Variants in RAB28 observed in about 807,000 individuals in gnomAD.
RAB28 encodes the protein ras-related protein Rab-28.
In RAB28, 24 loss-of-function variants were observed where a neutral mutation model predicts 31.7. That is an observed-to-expected ratio of 0.76 (90% confidence interval 0.55 to 1.06). The LOEUF (loss-of-function observed/expected upper bound fraction) is 1.06, where lower values mean the gene tolerates loss of function less well. Among genes scored for constraint, RAB28 ranks in the 50% least tolerant of loss-of-function variants. RAB28 has a pLI of 0.00. For missense variants in RAB28, 254 were observed against 258.5 expected, an observed-to-expected ratio of 0.98 and a Z score of 0.12; for synonymous variants, 100 against 90.4, an observed-to-expected ratio of 1.11 and a Z score of -0.60.
intron 4 of RAB28, among the ~76,000 whole-genome samples, chr4:13,443,303 A>T (rs1714519130): frequency 6.6e-6 from 1 of 151,934 alleles, no homozygotes; most frequent in Non-Finnish European, 1.5e-5. Flanking sequence ...CCTCCTGAGT[A>T]GCTAGGACAA....
intron 4 of RAB28, among the ~76,000 whole-genome samples, chr4:13,449,259 C>A (rs1048742391): frequency 2.6e-5 from 4 of 151,868 alleles, no homozygotes; most frequent in African/African-American, 9.7e-5. Flanking sequence ...AATAGTTTCA[C>A]ATGTCTATTT....
intron 4 of RAB28, among the ~76,000 whole-genome samples, chr4:13,458,241 T>C (rs1041211276): frequency 6.6e-6 from 1 of 152,112 alleles, no homozygotes; most frequent in Non-Finnish European, 1.5e-5. Context: ...TATGATAGTA[T>C]GACAATGCCT....
chr4:13,437,780 A>C (rs916116592), intron 4 of RAB28, among the ~76,000 whole-genome samples: 1 of 152,142 alleles, frequency 6.6e-6, no homozygotes, highest in African/African-American at 2.4e-5. Flanking sequence ...TCTACAGAAA[A>C]CTGTACAGAG....
chr4:13,428,339 C>T (rs1713625223), intron 4 of RAB28, among the ~76,000 whole-genome samples: 1 of 152,178 alleles, frequency 6.6e-6, no homozygotes, highest in Middle Eastern at 3.4e-3. Flanking sequence ...TATCAAGCCA[C>T]AAATAAGTGT....
At chr4:13,456,935 A>G (rs1006546166) in intron 4 of RAB28, among the ~76,000 whole-genome samples, 1 of 152,192 alleles carries the variant, frequency 6.6e-6, no homozygotes, top group Non-Finnish European at 1.5e-5. Flanking sequence ...TGAAGGTTTA[A>G]TATATTTTAA....
At position 13,417,931 on chromosome 4, in the gene RAB28, G is replaced by T. The variant is rs140636766; in HGVS notation, c.392-36337C>A. On this transcript the variant is annotated intron_variant, in intron 4 of 6. Transcript: ENST00000330852. ...AGCTGACAGAAGCAGGCTTCAGAAG[G>T]TTGGTAATAACAAACTTCTCTGAGC... 4.6e-3 allele frequency among the ~76,000 whole-genome samples: 698 copies of T among 152,242 alleles called. 6 individuals carry two copies. The highest frequency in any genetic ancestry group is 0.016 in the African/African-American group (665 of 41,556).
intron 4 of RAB28, among the ~76,000 whole-genome samples, chr4:13,413,620 G>C (rs73229669): frequency 0.014 from 2,094 of 152,112 alleles, 24 homozygotes; most frequent in Middle Eastern, 0.044. Flanking sequence ...AGTTTTAAGA[G>C]AGAAAATGAA....
At chr4:13,419,193 G>C (rs866880122) in intron 4 of RAB28, among the ~76,000 whole-genome samples, 1 of 152,086 alleles carries the variant, frequency 6.6e-6, no homozygotes, top group Non-Finnish European at 1.5e-5. Flanking sequence ...TCAACAAAAA[G>C]AGCCAGCTAT....
intron 4 of RAB28, among the ~76,000 whole-genome samples, chr4:13,406,585 C>T (rs1712104619): frequency 6.6e-6 from 1 of 152,150 alleles, no homozygotes; most frequent in Non-Finnish European, 1.5e-5. Flanking sequence ...ACACTGTCTT[C>T]CACAATGGTT....
chr4:13,399,024 C>T (rs1008601544), intron 4 of RAB28, among the ~76,000 whole-genome samples: 25 of 152,068 alleles, frequency 1.6e-4, no homozygotes, highest in Non-Finnish European at 2.8e-4. Context: ...GCATTTTACA[C>T]ATATTAAATC....
chr4:13,381,834 G>A (rs961984392), intron 4 of RAB28, among the ~76,000 whole-genome samples: 2 of 151,366 alleles, frequency 1.3e-5, no homozygotes, highest in African/African-American at 4.9e-5. Context: ...AATGCACAAA[G>A]ACCAGCACAG....
In RAB28 at chr4:13,461,792, C is replaced by T. The variant is rs200653222; in HGVS notation, c.262-964G>A. Among the ~76,000 whole-genome samples the T allele has an allele frequency of 2.0e-3, 300 of 152,218 alleles. 3 individuals carry two copies. Among genetic ancestry groups the T allele is most frequent in the South Asian group, 0.012 (57 of 4,818 alleles). ...CTCTACATACAGTATAAGCCCGGACCCTAATGGCATTTATGTCGACTTCTT... is the reference window on the plus strand; with the variant it reads ...CTCTACATACAGTATAAGCCCGGACTCTAATGGCATTTATGTCGACTTCTT... On this transcript the variant is annotated intron_variant, in intron 3 of 6. Coordinates refer to ENST00000330852, the MANE Select transcript of RAB28 (RefSeq NM_001017979.3).
At chr4:13,400,397 G>A (rs55745172) in intron 4 of RAB28, among the ~76,000 whole-genome samples, 4 of 152,024 alleles carry the variant, frequency 2.6e-5, no homozygotes, top group Non-Finnish European at 5.9e-5. Flanking sequence ...TTATGCTGAA[G>A]GGATAAATCA....
At chr4:13,454,551 A>G (rs923005454) in intron 4 of RAB28, among the ~76,000 whole-genome samples, 43 of 152,180 alleles carry the variant, frequency 2.8e-4, no homozygotes, top group African/African-American at 1.0e-3. Flanking sequence ...GTTTGTTTCT[A>G]GTTGGACACA....
chr4:13,400,721 T>A (rs926011418), intron 4 of RAB28, among the ~76,000 whole-genome samples: 1 of 152,170 alleles, frequency 6.6e-6, no homozygotes, highest in African/African-American at 2.4e-5. Context: ...ATTTATGAAG[T>A]TGAAGAAGTT....
At chr4:13,455,675 T>C (rs898993200) in intron 4 of RAB28, among the ~76,000 whole-genome samples, 2 of 152,198 alleles carry the variant, frequency 1.3e-5, no homozygotes, top group Non-Finnish European at 2.9e-5. Flanking sequence ...GCAAGGCAGC[T>C]GTGTGAATTC....
In RAB28 at chr4:13,371,970, G is replaced by A. The variant is rs1728731437; in HGVS notation, c.574-3320C>T. The A allele has an allele frequency of 9.4e-6, 11 of 1,169,066 alleles. No individual in the cohort carries two copies. The East Asian group carries it at 2.8e-4, about 30-fold the overall frequency. 72.4% of individuals were successfully genotyped at this position (1,169,066 alleles called of 1,614,324 possible). A position where few individuals can be genotyped will look rare whatever the true frequency, so the allele number is the denominator to read the frequency against. ...GGAAATGGAAGTGGCAGCCATGGAG[G>A]GCATAAGCAAGAAAGCAACCTATGG... On this transcript the variant is annotated intron_variant, in intron 6 of 6. Transcript: ENST00000330852.
In RAB28 at chr4:13,371,913, T is replaced by C. The variant is rs142022253; in HGVS notation, c.574-3263A>G. The C allele has an allele frequency of 3.0e-5, 45 of 1,479,678 alleles. No individual in the cohort carries two copies. In the East Asian group the frequency reaches 1.1e-3, roughly 35 times the overall value. 91.7% of individuals were successfully genotyped at this position (1,479,678 alleles called of 1,614,324 possible). ...TGGGTGAATACAAGCTTAACCCTGA[T>C]ATTTTCAAAGAGCATTTGCCAAGTG... On this transcript the variant is annotated intron_variant, in intron 6 of 6. Coordinates refer to ENST00000330852, the MANE Select transcript of RAB28 (RefSeq NM_001017979.3).
intron 6 of RAB28, among the ~76,000 whole-genome samples, chr4:13,375,987 C>T (rs866738904): frequency 2.6e-5 from 4 of 152,184 alleles, no homozygotes; most frequent in Middle Eastern, 3.4e-3. Flanking sequence ...ACTTTATAGG[C>T]TCTTACTCTG....
Sources: allele counts gnomAD v4.1 joint callset (sites outside exome capture counted in the v4.1 genomes callset), GRCh38; gene constraint gnomAD v4.1.1; transcripts MANE v1.5; gene names NCBI Gene and HGNC (gene_info 2026-07-23, HGNC 2026-07-21).